Variants in SPATA9 observed in about 807,000 individuals in gnomAD.
SPATA9 encodes the protein spermatogenesis-associated protein 9.
In SPATA9, 27 loss-of-function variants were observed where a neutral mutation model predicts 25.5. The observed-to-expected ratio is 1.06, with a 90% CI of 0.78 to 1.46. The LOEUF is 1.46. Ranked by LOEUF, SPATA9 falls within the 40% of genes most tolerant of loss-of-function variation. The pLI is 0.00. For missense variants in SPATA9, 282 were observed against 297.5 expected, an observed-to-expected ratio of 0.95 and a Z score of 0.38; for synonymous variants, 102 against 105.7, an observed-to-expected ratio of 0.97 and a Z score of 0.21.
the SPATA9 span, among the ~76,000 whole-genome samples, chr5:95,708,039 A>T: frequency 6.6e-6 from 1 of 151,498 alleles, no homozygotes; most frequent in African/African-American, 2.4e-5. Flanking sequence ...CCAAAAATTA[A>T]AGTTAATAGT....
intron 1 of SPATA9, among the ~76,000 whole-genome samples, chr5:95,690,917 T>C (rs997453407): frequency 2.0e-5 from 3 of 152,184 alleles, no homozygotes; most frequent in African/African-American, 7.2e-5. Flanking sequence ...AATAAAACTG[T>C]CTTTTCTTTT....
chr5:95,669,474 C>T (rs932768110), intron 3 of SPATA9, among the ~76,000 whole-genome samples: 7 of 152,128 alleles, frequency 4.6e-5, no homozygotes, highest in East Asian at 1.9e-4. Flanking sequence ...AAAAAGAACA[C>T]GAGTTCACTG....
chr5:95,657,383 A>G (rs184365383), downstream of SPATA9: 1 of 151,998 alleles, frequency 6.6e-6, no homozygotes, highest in Admixed American at 6.6e-5. Flanking sequence ...TCAGCAGCAC[A>G]TAGTGGTGAT....
At chr5:95,715,446 A>G in the SPATA9 span, among the ~76,000 whole-genome samples, 2 of 152,242 alleles carry the variant, frequency 1.3e-5, no homozygotes, top group African/African-American at 4.8e-5. Context: ...AGAAAAGCAC[A>G]GACACTTAAC....
intron 2 of SPATA9, among the ~76,000 whole-genome samples, chr5:95,677,808 A>G (rs368162164): frequency 2.3e-4 from 35 of 152,336 alleles, no homozygotes; most frequent in African/African-American, 7.9e-4. Context: ...AAAACTCACA[A>G]AAATTGACTG....
the SPATA9 span, chr5:95,731,837 CT>C: frequency 9.3e-6 from 15 of 1,606,124 alleles, no homozygotes; most frequent in Non-Finnish European, 1.3e-5. Context: ...CCCTTCTCCC[CT>C]CGCCCCCTCT....
chr5:95,716,449 G>T, the SPATA9 span, among the ~76,000 whole-genome samples: 1 of 152,202 alleles, frequency 6.6e-6, no homozygotes, highest in Admixed American at 6.5e-5. Context: ...GGGGCCTGTA[G>T]CCCCTTCATT....
rs1456678297 is a variant in SPATA9 at position 95,659,058 on chromosome 5, C to A, written c.475-145G>T. ...CACTTCTTTTCAGGACCTTCAGGTACATAATATAATAAGCATTGGGAGATT... is the reference window on the plus strand; with the variant it reads ...CACTTCTTTTCAGGACCTTCAGGTAAATAATATAATAAGCATTGGGAGATT... On this transcript the variant is annotated intron_variant, in intron 4 of 4. Coordinates refer to ENST00000274432, the MANE Select transcript of SPATA9 (RefSeq NM_031952.4). 7 of 1,015,036 alleles carry A rather than the reference C, an allele frequency of 6.9e-6. No individual in the cohort carries two copies. The Admixed American group carries it at 1.6e-4, about 23-fold the overall frequency. 62.9% of individuals were successfully genotyped at this position (1,015,036 alleles called of 1,614,324 possible).
the SPATA9 span, chr5:95,730,986 T>C: frequency 3.4e-6 from 2 of 592,692 alleles, no homozygotes; most frequent in Non-Finnish European, 2.8e-6. Flanking sequence ...CCTAACCTCC[T>C]TTTTCCAGTC....
intron 2 of SPATA9, among the ~76,000 whole-genome samples, chr5:95,676,281 T>G (rs1340799974): frequency 6.6e-6 from 1 of 152,218 alleles, no homozygotes; most frequent in Non-Finnish European, 1.5e-5. Context: ...AATAGGTTTT[T>G]GGGGAACAGC....
At chr5:95,683,040 G>A, upstream of SPATA9, 5 of 1,250,928 alleles carry the variant, frequency 4.0e-6, no homozygotes, top group Non-Finnish European at 5.0e-6. Flanking sequence ...ACCTGCTACA[G>A]AATCTTCTGA....
intron 3 of SPATA9, among the ~76,000 whole-genome samples, chr5:95,671,062 C>G (rs1033864231): frequency 3.9e-5 from 6 of 152,206 alleles, no homozygotes; most frequent in Non-Finnish European, 7.3e-5. Context: ...TCCAGCCATA[C>G]AGAACTACTT....
At chr5:95,664,306 A>G (rs1751552417) in intron 3 of SPATA9, among the ~76,000 whole-genome samples, 1 of 152,198 alleles carries the variant, frequency 6.6e-6, no homozygotes, top group Non-Finnish European at 1.5e-5. Context: ...ATTTTTGCCA[A>G]TTACCAACTG....
chr5:95,729,769 T>G, the SPATA9 span, among the ~76,000 whole-genome samples: 1 of 152,196 alleles, frequency 6.6e-6, no homozygotes, highest in Non-Finnish European at 1.5e-5. Flanking sequence ...TGGAATCACT[T>G]TTTGTGATTT....
At chr5:95,659,019 A>T in intron 4 of SPATA9, 106 bp from the exon 5 acceptor site, 1 of 1,399,200 alleles carries the variant, frequency 7.1e-7, no homozygotes. Flanking sequence ...TAATCTACAT[A>T]ATCTAATAAA....
chr5:95,703,492 G>T (rs1003067960), upstream of SPATA9, among the ~76,000 whole-genome samples: 3 of 152,018 alleles, frequency 2.0e-5, no homozygotes, highest in East Asian at 3.8e-4. Context: ...AAATTAGCTG[G>T]GCCTGGTGCC....
At chr5:95,678,240 G>A (rs893260118) in intron 2 of SPATA9, among the ~76,000 whole-genome samples, 2 of 152,102 alleles carry the variant, frequency 1.3e-5, no homozygotes, top group Admixed American at 1.3e-4. Flanking sequence ...AATCCAGCAT[G>A]GTGGCAGGCA....
At chr5:95,730,985 CT>C in the SPATA9 span, 5 of 592,482 alleles carry the variant, frequency 8.4e-6, no homozygotes, top group Admixed American at 2.4e-5. Context: ...CCCTAACCTC[CT>C]TTTTCCAGTC....
intron 2 of SPATA9, among the ~76,000 whole-genome samples, chr5:95,678,998 GA>G (rs1232777843): frequency 6.6e-6 from 1 of 152,168 alleles, no homozygotes; most frequent in Non-Finnish European, 1.5e-5. Context: ...GTTCTATCAG[GA>G]AATTACTTCA....
Sources: gnomAD v4.1 joint callset for allele counts (sites outside exome capture counted in the v4.1 genomes callset) on GRCh38, gnomAD v4.1.1 for gene constraint, MANE v1.5 for transcripts, NCBI Gene and HGNC (gene_info 2026-07-23, HGNC 2026-07-21) for gene names.